Variants in TMC3 observed in about 807,000 individuals in gnomAD.
The protein encoded by TMC3 is transmembrane channel like 3, also known as transmembrane channel-like protein 3.
A neutral mutation model predicts 110.6 loss-of-function variants in TMC3; 98 were observed. The observed-to-expected ratio is 0.89, with a 90% CI of 0.75 to 1.05. The LOEUF (loss-of-function observed/expected upper bound fraction) is 1.05. Among genes scored for constraint, TMC3 ranks in the 50% least tolerant of loss-of-function variants. The pLI, the probability that TMC3 is intolerant of heterozygous loss-of-function variation, is 0.00. For missense variants in TMC3, 1,319 were observed against 1,373.2 expected (o/e 0.96, Z 0.62); for synonymous variants, 489 against 513.1 (o/e 0.95, Z 0.63).
chr15:81,344,314 G>T (rs552272608), intron 13 of TMC3, among the ~76,000 whole-genome samples: 1 of 152,196 alleles, frequency 6.6e-6, no homozygotes, highest in African/African-American at 2.4e-5. Flanking sequence ...AGAATCTAAG[G>T]TCTGTGGTTC....
Position 81,355,772 on chromosome 15 carries a change from T to G in TMC3, c.892-4A>C. 1 of 1,568,792 alleles carries G rather than the reference T, an allele frequency of 6.4e-7. No individual in the cohort carries two copies. Among genetic ancestry groups the G allele is most frequent in the Non-Finnish European group, 8.7e-7 (1 of 1,143,310 alleles). ...CCTGTTCTTCCAATATAGCTTCCTT[T>G]AAGAAAAATACATACAGCAATAAAA... On this transcript the variant is annotated splice_region_variant and splice_polypyrimidine_tract_variant and intron_variant, in intron 8 of 21. Coordinates refer to ENST00000359440, the MANE Select transcript of TMC3 (RefSeq NM_001080532.3).
Position 81,332,798 on chromosome 15 carries a change from C to T in TMC3, c.2924G>A (p.Gly975Glu), listed in dbSNP as rs530756760. ...DLRRAPHFYI[G>E]ERSESQTRDP... ...CCGGGTCTGACTTTCGGACCTCTCC[C>T]CAATATAAAAATGAGGAGCCCGACG... is the stretch of plus-strand genomic sequence containing the variant. Residue 975 changes from glycine to glutamate, a missense_variant, in exon 22 of 22, where the codon GGG (glycine) becomes GAG (glutamate). By Grantham distance (98) the Gly-to-Glu change is moderately conservative. Coordinates refer to ENST00000359440, the MANE Select transcript of TMC3 (RefSeq NM_001080532.3). The T allele has an allele frequency of 3.7e-6, 6 of 1,611,302 alleles. No individual in the cohort carries two copies. In the East Asian group the frequency reaches 1.3e-4, roughly 36 times the overall value.
chr15:81,349,827 C>T (rs1249360182), intron 10 of TMC3, among the ~76,000 whole-genome samples: 2 of 141,210 alleles, frequency 1.4e-5, no homozygotes, highest in Admixed American at 7.3e-5. Context: ...ATTTGGGATT[C>T]ACTAGGCCAG....
At chr15:81,360,780 C>T (rs2141719195) in intron 4 of TMC3, among the ~76,000 whole-genome samples, 1 of 152,146 alleles carries the variant, frequency 6.6e-6, no homozygotes, top group South Asian at 2.1e-4. Flanking sequence ...CCTCTAGACT[C>T]TAGGTGGTGA....
intron 13 of TMC3, 81 bp from the exon 14 acceptor site, chr15:81,344,126 T>G: frequency 4.9e-5 from 72 of 1,457,962 alleles, no homozygotes; most frequent in East Asian, 7.2e-5. Context: ...TCCTAATCTC[T>G]GTTCATTCTT....
rs369804224 is a variant in TMC3, at chr15:81,364,732, TA to T, written c.313-2432del. Among the ~76,000 whole-genome samples, 843 of 144,868 alleles carry T rather than the reference TA, an allele frequency of 5.8e-3. 14 individuals are homozygous for T. Among genetic ancestry groups the T allele is most frequent in the African/African-American group, 0.019 (727 of 39,146 alleles). ...AAAAAAATAAAAAATAAAACTGTAA[TA>T]AAAAAAAAATTTAAAAATCAATATA... On this transcript the variant is annotated intron_variant, in intron 3 of 21. Coordinates refer to ENST00000359440, the MANE Select transcript of TMC3 (RefSeq NM_001080532.3).
In TMC3 at chr15:81,343,342, C is replaced by CG. The variant is rs775650413; in HGVS notation, c.1650_1651insC (p.Glu551ArgfsTer9). Reference sequence around the variant, plus strand: ...TCAGCTATTTTGAATTCTCCATATTCAGGCTACAAGAGAAAATAAACTTGT... The same window carrying CG: ...TCAGCTATTTTGAATTCTCCATATTCGAGGCTACAAGAGAAAATAAACTTGT... On this transcript the variant is annotated frameshift_variant, in exon 15 of 22. Transcript: ENST00000359440. LOFTEE classifies it high-confidence loss of function. 1 of 1,605,352 alleles carries CG rather than the reference C, an allele frequency of 6.2e-7. No homozygotes were observed. The highest frequency in any genetic ancestry group is 1.1e-5 in the South Asian group (1 of 90,880).
chr15:81,348,073 C>T (rs1320061909), intron 11 of TMC3, among the ~76,000 whole-genome samples: 8 of 152,232 alleles, frequency 5.3e-5, no homozygotes, highest in East Asian at 1.9e-4. Context: ...TATTGGAACA[C>T]GACCACACCT....
intron 12 of TMC3, 120 bp from the exon 13 acceptor site, chr15:81,345,131 A>C: frequency 6.9e-7 from 1 of 1,446,514 alleles, no homozygotes; most frequent in South Asian, 1.5e-5. Flanking sequence ...CTTGGGAGTA[A>C]TCATTCATCC....
chr15:81,354,667 T>C (rs1894020531), intron 9 of TMC3, among the ~76,000 whole-genome samples: 1 of 152,110 alleles, frequency 6.6e-6, no homozygotes, highest in African/African-American at 2.4e-5. Context: ...GAGAAAAGTA[T>C]GGCCAAGAGG....
At chr15:81,341,125 C>T (rs745669669) in intron 16 of TMC3, among the ~76,000 whole-genome samples, 9 of 152,124 alleles carry the variant, frequency 5.9e-5, no homozygotes, top group East Asian at 1.9e-4. Context: ...TAAACATTTA[C>T]GATTTGTGTA....
At chr15:81,362,105 A>G (rs1894199382) in intron 4 of TMC3, 115 bp downstream of exon 4, 5 of 852,598 alleles carry the variant, frequency 5.9e-6, no homozygotes, top group Non-Finnish European at 9.2e-6. Flanking sequence ...TGACTCTGCT[A>G]TGAGGGTGCC....
intron 16 of TMC3, among the ~76,000 whole-genome samples, chr15:81,340,169 G>A (rs146395235): frequency 1.3e-5 from 2 of 151,954 alleles, no homozygotes; most frequent in East Asian, 3.9e-4. Context: ...GGTCAATCTA[G>A]TTACTTTCAA....
chr15:81,364,043 G>A (rs1384824384), intron 3 of TMC3, among the ~76,000 whole-genome samples: 1 of 152,154 alleles, frequency 6.6e-6, no homozygotes, highest in Non-Finnish European at 1.5e-5. Context: ...TTCTCCATCT[G>A]TATAAGAAGT....
chr15:81,366,546 T>A (rs1894321530), intron 3 of TMC3, among the ~76,000 whole-genome samples: 1 of 152,228 alleles, frequency 6.6e-6, no homozygotes, highest in Admixed American at 6.5e-5. Context: ...AGCTTTTCAT[T>A]GTTATATATA....
At chr15:81,355,691 C>T in intron 9 of TMC3, 34 bp downstream of exon 9, 1 of 1,449,166 alleles carries the variant, frequency 6.9e-7, no homozygotes, top group Non-Finnish European at 9.6e-7. Context: ...TAAAACTTAT[C>T]AATGAATTCA....
At chr15:81,348,809 ATTTG>A (rs202030905) in intron 11 of TMC3, among the ~76,000 whole-genome samples, 14 of 151,824 alleles carry the variant, frequency 9.2e-5, no homozygotes, top group Middle Eastern at 3.4e-3. Flanking sequence ...CCTTTTGTTC[ATTTG>A]TTTGTTTGTT....
At chr15:81,355,599 G>A (rs1894042623) in intron 9 of TMC3, 126 bp downstream of exon 9, 4 of 711,048 alleles carry the variant, frequency 5.6e-6, no homozygotes, top group Non-Finnish European at 9.8e-6. Context: ...ATCACATTAT[G>A]AGAAAGGAAG....
chr15:81,332,962 C>T lies in TMC3; in HGVS notation c.2760G>A (p.Leu920=). ...CATATTGTCGCACGTTCCTGGGGTA[C>T]AGCTCCACAATGTCACCTGAAGCAT... ...KIDASGDIVE[L]YPRNVRQYAS... The change falls in exon 22 of 22, where the codon CTG becomes CTA. Residue 920 remains leucine (L), a synonymous_variant. Coordinates refer to ENST00000359440, the MANE Select transcript of TMC3 (RefSeq NM_001080532.3). 2 of 1,612,468 alleles carry T rather than the reference C, an allele frequency of 1.2e-6. No homozygotes were observed. Among genetic ancestry groups the T allele is most frequent in the South Asian group, 2.2e-5 (2 of 90,920 alleles).
Sources: allele counts gnomAD v4.1 joint callset (sites outside exome capture counted in the v4.1 genomes callset), GRCh38; gene constraint gnomAD v4.1.1; transcripts MANE v1.5; gene names NCBI Gene and HGNC (gene_info 2026-07-23, HGNC 2026-07-21).